The following ADCY8 variants were observed in gnomAD, a reference collection of about 807,000 sequenced individuals.
ADCY8 encodes the protein adenylate cyclase 8.
ADCY8 carries 51 observed loss-of-function variants against 119.7 expected under a neutral mutation model. The ratio of observed to expected loss-of-function variants is 0.43; its 90% CI spans 0.34 to 0.54. The LOEUF is 0.54. Ranked by LOEUF, ADCY8 falls within the 20% of genes least tolerant of loss-of-function variation. ADCY8 has a pLI of 0.03. For synonymous variants in ADCY8, 665 were observed against 651.0 expected (o/e 1.02, Z -0.33); for missense variants, 1,383 against 1,598.8 (o/e 0.87, Z 2.30).
chr8:130,991,528 G>A (rs1822578029), intron 1 of ADCY8, among the ~76,000 whole-genome samples: 1 of 152,208 alleles, frequency 6.6e-6, no homozygotes, highest in Admixed American at 6.5e-5. Context: ...TATTTGAACT[G>A]CAGTCCAAAA....
intron 11 of ADCY8, among the ~76,000 whole-genome samples, chr8:130,846,888 T>TTCCCTTTCC (rs56726941): frequency 1.0e-4 from 2 of 19,834 alleles, no homozygotes; most frequent in Non-Finnish European, 8.7e-5. Flanking sequence ...TTCCCTTCCC[T>TTCCCTTTCC]TTCCTTCCTT....
chr8:130,900,824 C>A lies in ADCY8; in HGVS notation c.1911+2948G>T, dbSNP rs373920586. The stretch of plus-strand genomic sequence containing the variant: ...CCAAAATTCTCGTGACTATGAATAC[C>A]AAATTCACATCCCTTGCACAGTTCT... On this transcript the variant is annotated intron_variant, in intron 7 of 17. Transcript: ENST00000286355. 2.3e-4 allele frequency among the ~76,000 whole-genome samples: 35 copies of A among 152,274 alleles called. No homozygotes were observed. In the South Asian group the frequency reaches 6.4e-3, roughly 28 times the overall value.
At chr8:130,872,883 A>G (rs1459200113) in intron 8 of ADCY8, among the ~76,000 whole-genome samples, 1 of 152,242 alleles carries the variant, frequency 6.6e-6, no homozygotes. Flanking sequence ...GAAGTGGAGC[A>G]GGATAAACTT....
At chr8:131,018,788 C>A (rs1823560064) in intron 1 of ADCY8, among the ~76,000 whole-genome samples, 1 of 152,226 alleles carries the variant, frequency 6.6e-6, no homozygotes, top group Admixed American at 6.5e-5. Context: ...TCTGTCTCCA[C>A]AGCATGTGTT....
chr8:131,010,743 T>A (rs6470881), intron 1 of ADCY8, among the ~76,000 whole-genome samples: 13,934 of 152,236 alleles, frequency 0.092, 1,938 homozygotes, highest in African/African-American at 0.3. Context: ...CTGGACTCAG[T>A]GTGTCACTAG....
Position 130,937,034 on chromosome 8 carries a change from A to G in ADCY8, c.1481+39T>C, listed in dbSNP as rs767511015. On this transcript the variant is annotated intron_variant, in intron 5 of 17. Coordinates refer to ENST00000286355, the MANE Select transcript of ADCY8 (RefSeq NM_001115.3). The stretch of plus-strand genomic sequence containing the variant: ...GGTGAAGTGGCCTGTGATCGTGCAC[A>G]TTGAAGACCCAGGTAACATGATGGG... 2.5e-6 allele frequency: 4 copies of G among 1,587,014 alleles called. No individual in the cohort carries two copies. The South Asian group carries it at 4.6e-5, about 18-fold the overall frequency.
chr8:130,899,403 C>T (rs146951721), intron 7 of ADCY8, among the ~76,000 whole-genome samples: 1 of 152,032 alleles, frequency 6.6e-6, no homozygotes, highest in East Asian at 1.9e-4. Flanking sequence ...GTCAGGAGTT[C>T]GTGACCAGCC....
intron 14 of ADCY8, among the ~76,000 whole-genome samples, chr8:130,813,222 T>C (rs1240536805): frequency 6.6e-6 from 1 of 152,186 alleles, no homozygotes; most frequent in Non-Finnish European, 1.5e-5. Context: ...GCTGAGATTA[T>C]AGGCGTGAGC....
intron 2 of ADCY8, among the ~76,000 whole-genome samples, chr8:130,953,107 A>G (rs1434679683): frequency 6.6e-6 from 1 of 152,244 alleles, no homozygotes; most frequent in Non-Finnish European, 1.5e-5. Flanking sequence ...GGCTTCTGAC[A>G]CATGGTTTAC....
intron 4 of ADCY8, among the ~76,000 whole-genome samples, chr8:130,938,339 A>G (rs981812933): frequency 6.6e-6 from 1 of 152,162 alleles, no homozygotes; most frequent in African/African-American, 2.4e-5. Context: ...GCCTCTTTCT[A>G]TGAGGAAGAG....
rs56260939 is a variant in ADCY8 at position 130,783,755 on chromosome 8, G to A, written c.3204C>T (p.Leu1068=). 0.021 allele frequency: 34,278 copies of A among 1,613,682 alleles called. 476 individuals carry two copies. Among genetic ancestry groups the A allele is most frequent in the Non-Finnish European group, 0.024 (28,496 of 1,179,694 alleles). The part of the protein sequence containing the change: ...GHLCALADFS[L]ALTESIQEIN... ...TCTCCTGTATGCTTTCTGTCAGGGC[G>A]AGTGAGAAGTCAGCCAGAGCACACA... is the stretch of plus-strand genomic sequence containing the variant. Residue 1068 remains leucine, a synonymous_variant, in exon 17 of 18, where the codon CTC becomes CTT. Coordinates refer to ENST00000286355, the MANE Select transcript of ADCY8 (RefSeq NM_001115.3).
At chr8:130,903,137 A>G (rs1405954080) in intron 7 of ADCY8, among the ~76,000 whole-genome samples, 1 of 152,138 alleles carries the variant, frequency 6.6e-6, no homozygotes, top group Non-Finnish European at 1.5e-5. Flanking sequence ...TGAATAAATA[A>G]TTTAAAAAGA....
At chr8:130,854,154 G>A (rs955148654) in intron 9 of ADCY8, among the ~76,000 whole-genome samples, 21 of 152,164 alleles carry the variant, frequency 1.4e-4, no homozygotes, top group African/African-American at 4.8e-4. Context: ...TTCTTTACAT[G>A]TAAACATTAT....
chr8:130,901,383 T>C (rs888218365), intron 7 of ADCY8, among the ~76,000 whole-genome samples: 36 of 152,118 alleles, frequency 2.4e-4, no homozygotes, highest in Admixed American at 2.4e-3. Flanking sequence ...ACACAGCAAT[T>C]TGATGCCATT....
At chr8:130,785,618 C>CATGCTTT (rs1417608221) in intron 15 of ADCY8, 143 bp from the exon 16 acceptor site, 2 of 557,150 alleles carry the variant, frequency 3.6e-6, no homozygotes, top group African/African-American at 3.8e-5. Context: ...CTCTGAGAAT[C>CATGCTTT]ATGCTTTCAG....
intron 7 of ADCY8, among the ~76,000 whole-genome samples, chr8:130,889,181 CCAAT>C (rs1819096561): frequency 3.3e-5 from 5 of 152,196 alleles, no homozygotes; most frequent in Admixed American, 3.3e-4. Flanking sequence ...GTTCTGTGGA[CCAAT>C]CAGTTTAGAA....
At chr8:130,852,986 G>T (rs1002761927) in intron 9 of ADCY8, among the ~76,000 whole-genome samples, 2 of 152,142 alleles carry the variant, frequency 1.3e-5, no homozygotes, top group African/African-American at 4.8e-5. Flanking sequence ...CCTCCCCTCA[G>T]CAGCCTTCAC....
chr8:130,970,186 C>A (rs552203767), intron 2 of ADCY8, among the ~76,000 whole-genome samples: 2 of 152,280 alleles, frequency 1.3e-5, no homozygotes, highest in East Asian at 1.9e-4. Flanking sequence ...TGGTCCACGG[C>A]CTGTTAGGAA....
intron 1 of ADCY8, among the ~76,000 whole-genome samples, chr8:131,009,094 G>A (rs1342613403): frequency 8.5e-5 from 13 of 152,184 alleles, no homozygotes. Flanking sequence ...AGAGAAATTC[G>A]AGCCAGCTGG....
Sources: allele counts gnomAD v4.1 joint callset (sites outside exome capture counted in the v4.1 genomes callset), GRCh38; gene constraint gnomAD v4.1.1; transcripts MANE v1.5; gene names NCBI Gene and HGNC (gene_info 2026-07-23, HGNC 2026-07-21).